GPRASP2: variants seen among roughly 807,000 people sequenced by gnomAD.
GPRASP2 encodes the protein G protein-coupled receptor-associated sorting protein 2.
A neutral mutation model predicts 36.0 loss-of-function variants in GPRASP2; 10 were observed. The ratio of observed to expected loss-of-function variants is 0.28; its 90% CI spans 0.17 to 0.47. The LOEUF is 0.47. Among genes scored for constraint, GPRASP2 ranks in the 20% least tolerant of loss-of-function variants. GPRASP2 has a pLI of 0.99. For missense variants in GPRASP2, 538 were observed against 626.7 expected (o/e 0.86, Z 1.51); for synonymous variants, 219 against 230.5 (o/e 0.95, Z 0.45).
In GPRASP2 at chrX:102,717,068, A is replaced by T; in HGVS notation, c.2199A>T (p.Arg733Ser). The change falls in exon 5 of 5, where the codon AGA becomes AGT. Residue 733 changes from arginine to serine, a missense_variant. Physicochemically the swap from Arg to Ser is moderately radical, Grantham distance 110. Coordinates refer to ENST00000483720, the MANE Select transcript of GPRASP2 (RefSeq NM_001004051.4). The stretch of plus-strand genomic sequence containing the variant: ...CCTTATTAACCACAGCCAATGCGAG[A>T]ACGAAGTTTCACGTTCTGAAAATGC... ...FLSLLTTANA[R>S]TKFHVLKMLL... 8.3e-7 allele frequency: 1 copy of T among 1,204,294 alleles called. No individual in the cohort carries two copies. Among genetic ancestry groups the T allele is most frequent in the Non-Finnish European group, 1.1e-6 (1 of 889,446 alleles).
chrX:102,716,834 G>A lies in GPRASP2; in HGVS notation c.1965G>A (p.Arg655=). Residue 655 remains arginine, a synonymous_variant, in exon 5 of 5, where the codon AGG becomes AGA. Transcript: ENST00000483720. ...TTAATTATCCATCCTCTAGAGTTAGGACAAGTTTTTTGGAAAATATGATTC... is the reference window on the plus strand; with the variant it reads ...TTAATTATCCATCCTCTAGAGTTAGAACAAGTTTTTTGGAAAATATGATTC... ...TLLNYPSSRV[R]TSFLENMIHM... The A allele has an allele frequency of 8.3e-7, 1 of 1,211,882 alleles. No homozygotes were observed. The highest frequency in any genetic ancestry group is 2.3e-4 in the Middle Eastern group (1 of 4,353).
In GPRASP2 at chrX:102,716,509, A is replaced by C. The variant is rs1220617581; in HGVS notation, c.1640A>C (p.Asp547Ala). Reference sequence around the variant, plus strand: ...GAGCAGGAATCTTTGCTTCAGCCTGATCAGCCTAGTCCTGAGTTCACATTT... The same window carrying C: ...GAGCAGGAATCTTTGCTTCAGCCTGCTCAGCCTAGTCCTGAGTTCACATTT... ...GEEQESLLQPDQPSPEFTFQY... is the reference protein window; with the variant it reads ...GEEQESLLQPAQPSPEFTFQY... Residue 547 changes from aspartate (D) to alanine (A), a missense_variant, in exon 5 of 5, where the codon GAT becomes GCT. By Grantham distance (126) the Asp-to-Ala change is moderately radical. This residue lies in a region of GPRASP2 where 262 missense variants were observed against 351.7 expected (regional missense o/e 0.74). Transcript: ENST00000483720. 1 of 1,210,407 alleles carries C rather than the reference A, an allele frequency of 8.3e-7. No individual in the cohort carries two copies. Among genetic ancestry groups the C allele is most frequent in the Non-Finnish European group, 1.1e-6 (1 of 895,379 alleles).
At position 102,712,495 on chromosome X, in the gene GPRASP2, AGAG is replaced by A. The variant is rs2081886049; in HGVS notation, c.-621_-619del. ...GGAAAGCAGTGGCTCCAAGTGAGCC[AGAG>A]GAGAGCTGAGGAGAGGAGGGGGAGG... On this transcript the variant is annotated 5_prime_UTR_variant, in exon 1 of 5. Transcript: ENST00000483720. The A allele has an allele frequency of 8.9e-6, 1 of 112,549 alleles. No individual in the cohort carries two copies. Among genetic ancestry groups the A allele is most frequent in the African/African-American group, 3.2e-5 (1 of 30,970 alleles). The allele number at this position is 112,549 out of a possible 1,213,427, so 9.3% of individuals were successfully genotyped here.
At position 102,715,192 on chromosome X, in the gene GPRASP2, C is replaced by G. The variant is rs967905087; in HGVS notation, c.323C>G (p.Ala108Gly). The G allele has an allele frequency of 1.6e-6, 2 of 1,212,519 alleles. No individual in the cohort carries two copies. Among genetic ancestry groups the G allele is most frequent in the Non-Finnish European group, 2.2e-6 (2 of 895,664 alleles). ...PKTDARAVGG[A>G]RSKTDAKAIP... is the part of the protein sequence containing the mutation. ...ACCGATGCCAGGGCAGTAGGTGGCG[C>G]TCGTTCTAAAACTGATGCCAAGGCA... The change falls in exon 5 of 5, where the codon GCT becomes GGT. Residue 108 changes from alanine (A) to glycine (G), a missense_variant. Ala to Gly is a moderately conservative substitution (Grantham distance 60). Around this residue, in one of 2 missense-constraint regions of GPRASP2, gnomAD observed 276 missense variants for 275.0 expected, o/e 1.00. Coordinates refer to ENST00000483720, the MANE Select transcript of GPRASP2 (RefSeq NM_001004051.4).
At position 102,717,632 on chromosome X, in the gene GPRASP2, G is replaced by T. The variant is rs778180228; in HGVS notation, c.*246G>T. The T allele has an allele frequency of 4.5e-4, 146 of 322,054 alleles. No homozygotes were observed. Among genetic ancestry groups the T allele is most frequent in the Non-Finnish European group, 6.7e-4 (133 of 198,599 alleles). The allele number at this position is 322,054 out of a possible 1,213,427, so 26.5% of individuals were successfully genotyped here. A position where few individuals can be genotyped will look rare whatever the true frequency, so the allele number is the denominator to read the frequency against. On this transcript the variant is annotated 3_prime_UTR_variant, in exon 5 of 5. Transcript: ENST00000483720. ...TATTTTTCAGTATTAAGTTTTCAAT[G>T]AACTGTGTCACCTAAGTAAGCTACC...
Position 102,715,394 on chromosome X carries a change from A to T in GPRASP2, c.525A>T (p.Leu175=). Reference sequence around the variant, plus strand: ...AGGGCCTGTCTATGGATAGAGAACTAGTCAATGTGGATGCTGAAACCTTTC... The same window carrying T: ...AGGGCCTGTCTATGGATAGAGAACTTGTCAATGTGGATGCTGAAACCTTTC... The part of the protein sequence containing the change: ...KSKGLSMDRE[L]VNVDAETFPG... The change falls in exon 5 of 5, where the codon CTA becomes CTT. Residue 175 remains leucine, a synonymous_variant. Transcript: ENST00000483720. 4.1e-6 allele frequency: 5 copies of T among 1,212,300 alleles called. No individual in the cohort carries two copies. Among genetic ancestry groups the T allele is most frequent in the African/African-American group, 1.7e-5 (1 of 57,930 alleles).
At position 102,717,449 on chromosome X, in the gene GPRASP2, G is replaced by T; in HGVS notation, c.*63G>T. On this transcript the variant is annotated 3_prime_UTR_variant, in exon 5 of 5. Transcript: ENST00000483720. ...CCAAAGAGCCCTGAGTAGTGCTTTGGTGTTCACAGTCTGTTTTTTTGTTGT... is the reference window on the plus strand; with the variant it reads ...CCAAAGAGCCCTGAGTAGTGCTTTGTTGTTCACAGTCTGTTTTTTTGTTGT... 1.0e-6 allele frequency: 1 copy of T among 999,664 alleles called. No individual in the cohort carries two copies. The allele number at this position is 999,664 out of a possible 1,213,427, so 82.4% of individuals were successfully genotyped here.
In GPRASP2 at chrX:102,715,247, C is replaced by T; in HGVS notation, c.378C>T (p.Ala126=). Residue 126 remains alanine (A), a synonymous_variant, in exon 5 of 5, where the codon GCC becomes GCT. Coordinates refer to ENST00000483720, the MANE Select transcript of GPRASP2 (RefSeq NM_001004051.4). ...AIPGARPKDE[A]QAWAQSEFGT... ...CTGGAGCAAGGCCCAAGGATGAGGC[C>T]CAGGCATGGGCCCAGAGTGAATTTG... 8.3e-7 allele frequency: 1 copy of T among 1,209,593 alleles called. No individual in the cohort carries two copies. Among genetic ancestry groups the T allele is most frequent in the Non-Finnish European group, 1.1e-6 (1 of 895,643 alleles).
intron 2 of GPRASP2, among the ~76,000 whole-genome samples, chrX:102,713,494 T>G (rs2081909688): frequency 8.8e-6 from 1 of 113,310 alleles, no homozygotes; most frequent in East Asian, 2.8e-4. Flanking sequence ...TTCCCCCATT[T>G]TATGCTGCGC....
Position 102,715,489 on chromosome X carries a change from G to C in GPRASP2, c.620G>C (p.Trp207Ser). The C allele has an allele frequency of 8.2e-7, 1 of 1,212,152 alleles. No individual in the cohort carries two copies. Among genetic ancestry groups the C allele is most frequent in the Non-Finnish European group, 1.1e-6 (1 of 895,601 alleles). The change falls in exon 5 of 5, where the codon TGG becomes TCG. Residue 207 changes from tryptophan (W) to serine (S), a missense_variant. Trp to Ser is a radical substitution (Grantham distance 177). Coordinates refer to ENST00000483720, the MANE Select transcript of GPRASP2 (RefSeq NM_001004051.4). Reference sequence around the variant, plus strand: ...GGGGAGGAGACTAATATGGGGTCTTGGTGCTATTCCAGGCCCAGGGCCAGA... The same window carrying C: ...GGGGAGGAGACTAATATGGGGTCTTCGTGCTATTCCAGGCCCAGGGCCAGA... ...GPGEETNMGS[W>S]CYSRPRAREE...
chrX:102,715,826 G>T lies in GPRASP2; in HGVS notation c.957G>T (p.Arg319Ser). 2 of 1,211,670 alleles carry T rather than the reference G, an allele frequency of 1.7e-6. No individual in the cohort carries two copies. The highest frequency in any genetic ancestry group is 3.5e-5 in the South Asian group (2 of 56,954). Reference protein sequence around the residue: ...REEANIRSKLRTNREDCFESE... With the variant: ...REEANIRSKLSTNREDCFESE... ...AGGCAAATATCAGGTCCAAGCTCAG[G>T]ACAAATAGAGAAGATTGTTTTGAAT... Residue 319 changes from arginine (R) to serine (S), a missense_variant, in exon 5 of 5, where the codon AGG (arginine) becomes AGT (serine). Transcript: ENST00000483720.
In GPRASP2 at chrX:102,716,848, A is replaced by G; in HGVS notation, c.1979A>G (p.Glu660Gly). ...PSSRVRTSFL[E>G]NMIHMAPPYP... ...TCTAGAGTTAGGACAAGTTTTTTGG[A>G]AAATATGATTCACATGGCTCCACCT... Residue 660 changes from glutamate to glycine, a missense_variant, in exon 5 of 5, where the codon GAA (glutamate) becomes GGA (glycine). Physicochemically the swap from Glu to Gly is moderately conservative, Grantham distance 98. Transcript: ENST00000483720. 1 of 1,211,904 alleles carries G rather than the reference A, an allele frequency of 8.3e-7. No individual in the cohort carries two copies. The highest frequency in any genetic ancestry group is 1.1e-6 in the Non-Finnish European group (1 of 895,574).
rs144328962 is a variant in GPRASP2 at position 102,717,290 on chromosome X, G to A, written c.2421G>A (p.Pro807=). ...TTGATGATGATTTCAGTCTTGAGCC[G>A]CTTATTTCTGCATTTCGTGAATTTG... ...SLIDDDFSLE[P]LISAFREFEE... is the part of the protein sequence containing the mutation. Residue 807 remains proline, a synonymous_variant, in exon 5 of 5, where the codon CCG becomes CCA. Coordinates refer to ENST00000483720, the MANE Select transcript of GPRASP2 (RefSeq NM_001004051.4). 1.4e-5 allele frequency: 15 copies of A among 1,089,856 alleles called. No individual in the cohort carries two copies. The African/African-American group carries it at 1.9e-4, about 14-fold the overall frequency. 89.8% of individuals were successfully genotyped at this position (1,089,856 alleles called of 1,213,427 possible). A position where few individuals can be genotyped will look rare whatever the true frequency, so the allele number is the denominator to read the frequency against.
rs1371293505 is a variant in GPRASP2 at position 102,713,106 on chromosome X, C to G, written c.-567-24C>G. ...CTTCCCACAGGCTCCAGGTTGATGT[C>G]AAAGTCTTGTGTCTGTGCGGTAGGT... On this transcript the variant is annotated intron_variant, in intron 1 of 4. Transcript: ENST00000483720. 5.3e-5 allele frequency: 6 copies of G among 112,730 alleles called. No homozygotes were observed. In the East Asian group the frequency reaches 8.5e-4, roughly 16 times the overall value. The allele number at this position is 112,730 out of a possible 1,213,427, so 9.3% of individuals were successfully genotyped here.
Position 102,715,461 on chromosome X carries a change from C to T in GPRASP2, c.592C>T (p.Pro198Ser). The change falls in exon 5 of 5, where the codon CCA becomes TCA. Residue 198 changes from proline to serine, a missense_variant. Physicochemically the swap from Pro to Ser is moderately conservative, Grantham distance 74 (BLOSUM62 -1). Transcript: ENST00000483720. ...GQKGIQPWFG[P>S]GEETNMGSWC... ...GAAAGGAATCCAGCCCTGGTTTGGA[C>T]CAGGGGAGGAGACTAATATGGGGTC... is the stretch of plus-strand genomic sequence containing the variant. 3 of 1,211,878 alleles carry T rather than the reference C, an allele frequency of 2.5e-6. No homozygotes were observed. Among genetic ancestry groups the T allele is most frequent in the African/African-American group, 1.7e-5 (1 of 57,843 alleles).
At position 102,716,035 on chromosome X, in the gene GPRASP2, C is replaced by G; in HGVS notation, c.1166C>G (p.Ser389Cys). 8.3e-7 allele frequency: 1 copy of G among 1,200,347 alleles called. No homozygotes were observed. The highest frequency in any genetic ancestry group is 1.1e-6 in the Non-Finnish European group (1 of 890,920). The change falls in exon 5 of 5, where the codon TCC becomes TGC. Residue 389 changes from serine (S) to cysteine (C), a missense_variant. Ser to Cys is a moderately radical substitution (Grantham distance 112). Transcript: ENST00000483720. ...TTTGAGGAGGAAGTCATTATTGGGT[C>G]CTGGTTCTGGGCAGAAAAAGAGGCC... ...PRFEEEVIIG[S>C]WFWAEKEASL... is the part of the protein sequence containing the mutation.
Position 102,715,523 on chromosome X carries a change from C to A in GPRASP2, c.654C>A (p.Ala218=). The change falls in exon 5 of 5, where the codon GCC becomes GCA. Residue 218 remains alanine (A), a synonymous_variant. Coordinates refer to ENST00000483720, the MANE Select transcript of GPRASP2 (RefSeq NM_001004051.4). Reference sequence around the variant, plus strand: ...CCAGGCCCAGGGCCAGAGAGGAGGCCTCTAATGAGTCTGGGTTCTGGTCAG... The same window carrying A: ...CCAGGCCCAGGGCCAGAGAGGAGGCATCTAATGAGTCTGGGTTCTGGTCAG... ...CYSRPRAREE[A]SNESGFWSAD... The A allele has an allele frequency of 8.3e-7, 1 of 1,211,990 alleles. No homozygotes were observed. Among genetic ancestry groups the A allele is most frequent in the Non-Finnish European group, 1.1e-6 (1 of 895,599 alleles).
chrX:102,715,906 C>G lies in GPRASP2; in HGVS notation c.1037C>G (p.Ala346Gly). 1 of 1,211,533 alleles carries G rather than the reference C, an allele frequency of 8.3e-7. No homozygotes were observed. Among genetic ancestry groups the G allele is most frequent in the Non-Finnish European group, 1.1e-6 (1 of 895,478 alleles). The change falls in exon 5 of 5, where the codon GCC becomes GGC. Residue 346 changes from alanine (A) to glycine (G), a missense_variant. This residue lies in a region of GPRASP2 where 276 missense variants were observed against 275.0 expected (regional missense o/e 1.00). Coordinates refer to ENST00000483720, the MANE Select transcript of GPRASP2 (RefSeq NM_001004051.4). ...KQSWVLPGEEANSRFRHRDKE... is the reference protein window; with the variant it reads ...KQSWVLPGEEGNSRFRHRDKE... ...TCCTGGGTTTTGCCTGGAGAAGAGG[C>G]CAATAGTAGATTCAGGCACAGAGAC...
Position 102,714,474 on chromosome X carries a change from G to T in GPRASP2, c.-333-63G>T, listed in dbSNP as rs111896745. On this transcript the variant is annotated intron_variant, in intron 4 of 4. Coordinates refer to ENST00000483720, the MANE Select transcript of GPRASP2 (RefSeq NM_001004051.4). ...TCCCACCTAGCATTCAACATCAGTC[G>T]CACTGCATACGTCTCATACAATTGG... 1,266 of 136,437 alleles carry T rather than the reference G, an allele frequency of 9.3e-3. 23 individuals are homozygous for T. Among genetic ancestry groups the T allele is most frequent in the African/African-American group, 0.038 (1,204 of 31,599 alleles). 11.2% of individuals were successfully genotyped at this position (136,437 alleles called of 1,213,427 possible).
Sources: allele counts gnomAD v4.1 joint callset (sites outside exome capture counted in the v4.1 genomes callset), GRCh38; gene constraint gnomAD v4.1.1; regional missense constraint gnomAD v4.1.1; transcripts MANE v1.5; gene names NCBI Gene and HGNC (gene_info 2026-07-23, HGNC 2026-07-21).